Variants in ZNF729 observed in about 807,000 individuals in gnomAD.
ZNF729 encodes zinc finger protein 729.
Under a neutral mutation model 12.2 loss-of-function variants are expected in ZNF729, and 15 were observed. The ratio of observed to expected loss-of-function variants is 1.23; its 90% CI spans 0.82 to 1.89. The LOEUF is 1.89. Among genes scored for constraint, ZNF729 ranks in the 40% most tolerant of loss-of-function variants. The pLI, the probability that ZNF729 is intolerant of heterozygous loss-of-function variation, is 0.00. For synonymous variants in ZNF729, 492 were observed against 476.3 expected (o/e 1.03, Z -0.43); for missense variants, 1,540 against 1,456.7 (o/e 1.06, Z -0.93).
Position 22,286,468 on chromosome 19 carries a change from G to C in ZNF729, c.-58G>C, listed in dbSNP as rs1460953728. 6 of 1,609,178 alleles carry C rather than the reference G, an allele frequency of 3.7e-6. No individual in the cohort carries two copies. In the East Asian group the frequency reaches 1.1e-4, roughly 30 times the overall value. On this transcript the variant is annotated 5_prime_UTR_variant, in exon 1 of 4. Coordinates refer to ENST00000601693, the MANE Select transcript of ZNF729 (RefSeq NM_001242680.2). ...AGTTCCCGGTCTCGCCTTCACTGCT[G>C]TGTGTCCTCAGCCTCTGTGGCCCTG...
intron 3 of ZNF729, among the ~76,000 whole-genome samples, chr19:22,313,265 T>G (rs1167566918): frequency 2.0e-5 from 3 of 152,120 alleles, no homozygotes; most frequent in Admixed American, 2.0e-4. Flanking sequence ...TTGACCAGGC[T>G]GGTCTTGAAC....
chr19:22,300,854 A>G (rs866919492), intron 1 of ZNF729, among the ~76,000 whole-genome samples: 16 of 152,010 alleles, frequency 1.1e-4, no homozygotes, highest in African/African-American at 3.9e-4. Flanking sequence ...AATGCCCACA[A>G]ATGTGCAGGG....
At position 22,315,376 on chromosome 19, in the gene ZNF729, G is replaced by T; in HGVS notation, c.1959G>T (p.Glu653Asp). 1 of 1,613,568 alleles carries T rather than the reference G, an allele frequency of 6.2e-7. No homozygotes were observed. Among genetic ancestry groups the T allele is most frequent in the Middle Eastern group, 1.7e-4 (1 of 6,056 alleles). ...LTRHKAIHTG[E>D]KPYKCEECGK... The stretch of plus-strand genomic sequence containing the variant: ...GACATAAAGCAATTCATACTGGAGA[G>T]AAACCTTACAAATGTGAAGAATGTG... The change falls in exon 4 of 4, where the codon GAG becomes GAT. Residue 653 changes from glutamate (E) to aspartate (D), a missense_variant. Glu to Asp is a conservative substitution (Grantham distance 45). Transcript: ENST00000601693.
rs558267268 is a variant in ZNF729, at chr19:22,296,772, G to A, written c.31-6986G>A. Among the ~76,000 whole-genome samples the A allele has an allele frequency of 8.5e-5, 13 of 152,234 alleles. No homozygotes were observed. The South Asian group carries it at 2.7e-3, about 32-fold the overall frequency. Reference sequence around the variant, plus strand: ...TTTCCCTGTTAACACTGCCTTAGCTGTGTTGCAGAGATTCTGGTATGTTGT... The same window carrying A: ...TTTCCCTGTTAACACTGCCTTAGCTATGTTGCAGAGATTCTGGTATGTTGT... On this transcript the variant is annotated intron_variant, in intron 1 of 3. Transcript: ENST00000601693.
intron 1 of ZNF729, among the ~76,000 whole-genome samples, chr19:22,293,994 T>A (rs961464985): frequency 6.6e-5 from 10 of 152,248 alleles, no homozygotes; most frequent in Non-Finnish European, 1.5e-4. Context: ...ATTTGTCAAT[T>A]GTTGCTGTTG....
chr19:22,314,400 C>T lies in ZNF729; in HGVS notation c.983C>T (p.Thr328Ile), dbSNP rs61567293. ...KPYKCEDCGKTFNHFSALRKH... is the reference protein window; with the variant it reads ...KPYKCEDCGKIFNHFSALRKH... ...TACAAATGTGAAGATTGTGGCAAAA[C>T]TTTTAACCATTTCTCAGCCCTTAGA... The change falls in exon 4 of 4, where the codon ACT becomes ATT. Residue 328 changes from threonine (T) to isoleucine (I), a missense_variant. Coordinates refer to ENST00000601693, the MANE Select transcript of ZNF729 (RefSeq NM_001242680.2). 1 of 1,591,636 alleles carries T rather than the reference C, an allele frequency of 6.3e-7. No individual in the cohort carries two copies. The highest frequency in any genetic ancestry group is 8.6e-7 in the Non-Finnish European group (1 of 1,166,468).
chr19:22,314,525 C>T lies in ZNF729; in HGVS notation c.1108C>T (p.His370Tyr). 1.2e-6 allele frequency: 2 copies of T among 1,611,014 alleles called. No individual in the cohort carries two copies. Among genetic ancestry groups the T allele is most frequent in the Non-Finnish European group, 8.5e-7 (1 of 1,179,442 alleles). The change falls in exon 4 of 4, where the codon CAT becomes TAT. Residue 370 changes from histidine (H) to tyrosine (Y), a missense_variant. Transcript: ENST00000601693. ...AACCCTTAGAAAACATGAGATAATT[C>T]ATACTGGAGAGAAACCCTACAAATG... ...SSTLRKHEII[H>Y]TGEKPYKCEE...
At chr19:22,295,692 G>A (rs1968222529) in intron 1 of ZNF729, among the ~76,000 whole-genome samples, 2 of 152,096 alleles carry the variant, frequency 1.3e-5, no homozygotes, top group South Asian at 4.2e-4. Context: ...GAGCCACCGC[G>A]CCCAGTCGAT....
chr19:22,296,567 A>G (rs970157689), intron 1 of ZNF729, among the ~76,000 whole-genome samples: 2 of 151,562 alleles, frequency 1.3e-5, no homozygotes, highest in African/African-American at 4.9e-5. Flanking sequence ...TTTATCTCGG[A>G]TTTCTTGTTC....
chr19:22,300,878 AT>A, intron 1 of ZNF729, among the ~76,000 whole-genome samples: 1 of 152,320 alleles, frequency 6.6e-6, no homozygotes, highest in East Asian at 1.9e-4. Context: ...ACCTGCTGCT[AT>A]CCCATCCATT....
intron 3 of ZNF729, among the ~76,000 whole-genome samples, chr19:22,309,156 A>G (rs1431106439): frequency 6.6e-6 from 1 of 152,146 alleles, no homozygotes; most frequent in Non-Finnish European, 1.5e-5. Context: ...TGTTGAAAAG[A>G]GTATCCCTGG....
chr19:22,315,695 G>A lies in ZNF729; in HGVS notation c.2278G>A (p.Val760Ile), dbSNP rs774025794. ...TTTCTCAGCCCTTAGAAAACATAAGGTAATTCATACTAGGGAGAAATTGTA... is the reference window on the plus strand; with the variant it reads ...TTTCTCAGCCCTTAGAAAACATAAGATAATTCATACTAGGGAGAAATTGTA... The part of the protein sequence containing the change: ...KHFSALRKHK[V>I]IHTREKLYKC... Residue 760 changes from valine to isoleucine, a missense_variant, in exon 4 of 4, where the codon GTA becomes ATA. Physicochemically the swap from Val to Ile is conservative, Grantham distance 29 (BLOSUM62 3). Transcript: ENST00000601693. The A allele has an allele frequency of 4.7e-5, 75 of 1,604,592 alleles. No individual in the cohort carries two copies. Among genetic ancestry groups the A allele is most frequent in the Middle Eastern group, 1.7e-4 (1 of 6,040 alleles).
chr19:22,316,859 A>G lies in ZNF729; in HGVS notation c.3442A>G (p.Thr1148Ala), dbSNP rs748304260. 1 of 1,613,020 alleles carries G rather than the reference A, an allele frequency of 6.2e-7. No individual in the cohort carries two copies. The highest frequency in any genetic ancestry group is 2.2e-5 in the East Asian group (1 of 44,828). Residue 1148 changes from threonine to alanine, a missense_variant, in exon 4 of 4, where the codon ACT (threonine) becomes GCT (alanine). Coordinates refer to ENST00000601693, the MANE Select transcript of ZNF729 (RefSeq NM_001242680.2). ...GKAFSQSSIL[T>A]KHKIIHSVEK... Reference sequence around the variant, plus strand: ...AGCCTTTAGTCAGTCCTCAATCCTTACTAAACATAAGATAATTCATTCTGT... The same window carrying G: ...AGCCTTTAGTCAGTCCTCAATCCTTGCTAAACATAAGATAATTCATTCTGT...
rs781281948 is a variant in ZNF729 at position 22,314,745 on chromosome 19, G to A, written c.1328G>A (p.Ser443Asn). 11 of 1,600,828 alleles carry A rather than the reference G, an allele frequency of 6.9e-6. No individual in the cohort carries two copies. Among genetic ancestry groups the A allele is most frequent in the South Asian group, 3.3e-5 (3 of 90,438 alleles). Residue 443 changes from serine to asparagine, a missense_variant, in exon 4 of 4, where the codon AGT (serine) becomes AAT (asparagine). Ser to Asn is a conservative substitution (Grantham distance 46). Coordinates refer to ENST00000601693, the MANE Select transcript of ZNF729 (RefSeq NM_001242680.2). ...GAAGAATGTGGCAAAGCTTTTAACA[G>A]TTCCTCAACCCTTATGAAACATAAG... The part of the protein sequence containing the change: ...KCEECGKAFN[S>N]SSTLMKHKII...
At position 22,312,440 on chromosome 19, in the gene ZNF729, TTGTGTGTG is replaced by T. The variant is rs138264785; in HGVS notation, c.254-1201_254-1194del. Among the ~76,000 whole-genome samples the T allele has an allele frequency of 5.3e-3, 766 of 144,654 alleles. 6 individuals carry two copies. Among genetic ancestry groups the T allele is most frequent in the East Asian group, 0.02 (97 of 4,874 alleles). The allele number at this position is 144,654 out of a possible 152,430, so 94.9% of individuals were successfully genotyped here. A position where few individuals can be genotyped will look rare whatever the true frequency, so the allele number is the denominator to read the frequency against. ...TTCTTAGAATGTGTCTTGTCTGAAA[TTGTGTGTG>T]TGTGTGTGTGTGTGTGTGTGTGTGT... On this transcript the variant is annotated intron_variant, in intron 3 of 3. Coordinates refer to ENST00000601693, the MANE Select transcript of ZNF729 (RefSeq NM_001242680.2).
At chr19:22,296,702 T>G (rs7259670) in intron 1 of ZNF729, among the ~76,000 whole-genome samples, 3,341 of 152,228 alleles carry the variant, frequency 0.022, 110 homozygotes, top group African/African-American at 0.076. Flanking sequence ...TGATGTTAGG[T>G]TGTTAAATTG....
chr19:22,293,043 A>G (rs1361860764), intron 1 of ZNF729, among the ~76,000 whole-genome samples: 2 of 152,192 alleles, frequency 1.3e-5, no homozygotes, highest in Non-Finnish European at 2.9e-5. Flanking sequence ...TGACTTTGTA[A>G]TAACAGCCAT....
rs754255810 is a variant in ZNF729 at position 22,315,893 on chromosome 19, T to C, written c.2476T>C (p.Cys826Arg). 5 of 1,611,144 alleles carry C rather than the reference T, an allele frequency of 3.1e-6. No homozygotes were observed. In the Admixed American group the frequency reaches 6.7e-5, roughly 21 times the overall value. ...TCATACTGGAGAGAAACCCTGCAAA[T>C]GTGAAGAATGTGGCAAAGCTTTTAA... ...VIHTGEKPCK[C>R]EECGKAFKHF... is the part of the protein sequence containing the mutation. The change falls in exon 4 of 4, where the codon TGT (cysteine) becomes CGT (arginine). Residue 826 changes from cysteine (C) to arginine (R), a missense_variant. Cys to Arg is a radical substitution (Grantham distance 180). Coordinates refer to ENST00000601693, the MANE Select transcript of ZNF729 (RefSeq NM_001242680.2).
At chr19:22,306,437 CA>C (rs199851275) in intron 3 of ZNF729, among the ~76,000 whole-genome samples, 138 of 113,954 alleles carry the variant, frequency 1.2e-3, no homozygotes, top group African/African-American at 1.5e-3. Context: ...GACTCCATCT[CA>C]AAAAAAAAAA....
Sources: allele counts gnomAD v4.1 joint callset (sites outside exome capture counted in the v4.1 genomes callset), GRCh38; gene constraint gnomAD v4.1.1; transcripts MANE v1.5; gene names NCBI Gene and HGNC (gene_info 2026-07-23, HGNC 2026-07-21).